Variants in CNTNAP2 observed in about 807,000 individuals in gnomAD.
CNTNAP2 encodes the protein contactin associated protein 2, also known as contactin-associated protein-like 2.
A neutral mutation model predicts 155.2 loss-of-function variants in CNTNAP2; 98 were observed. That is an observed-to-expected ratio of 0.63 (90% confidence interval 0.54 to 0.75). The LOEUF is 0.75. Ranked by LOEUF, CNTNAP2 falls within the 30% of genes least tolerant of loss-of-function variation. The pLI, the probability that CNTNAP2 is intolerant of heterozygous loss-of-function variation, is 0.00. For missense variants in CNTNAP2, 1,727 were observed against 1,688.1 expected (o/e 1.02, Z -0.40); for synonymous variants, 651 against 631.2 (o/e 1.03, Z -0.47).
In CNTNAP2 at chr7:147,060,215, C is replaced by T. The variant is rs545653569; in HGVS notation, c.550+16161C>T. ...AAAATGTATCTGTCCTTGAGGGGAACACAGTACATCTATAGTACAATTTTT... is the reference window on the plus strand; with the variant it reads ...AAAATGTATCTGTCCTTGAGGGGAATACAGTACATCTATAGTACAATTTTT... On this transcript the variant is annotated intron_variant, in intron 4 of 23. Transcript: ENST00000361727. Among the ~76,000 whole-genome samples, 19 of 151,876 alleles carry T rather than the reference C, an allele frequency of 1.3e-4. No homozygotes were observed. The South Asian group carries it at 4.0e-3, about 32-fold the overall frequency.
At chr7:147,048,827 A>T (rs558040293) in intron 4 of CNTNAP2, among the ~76,000 whole-genome samples, 4 of 152,332 alleles carry the variant, frequency 2.6e-5, no homozygotes, top group African/African-American at 9.6e-5. Flanking sequence ...AACATAAAGG[A>T]CCTATAAAAG....
chr7:148,302,572 G>T (rs1275223002), intron 21 of CNTNAP2, among the ~76,000 whole-genome samples: 1 of 152,118 alleles, frequency 6.6e-6, no homozygotes, highest in South Asian at 2.1e-4. Context: ...GTCAAGGGGG[G>T]ACCTGGTGGG....
intron 11 of CNTNAP2, among the ~76,000 whole-genome samples, chr7:147,552,661 C>T (rs1799874840): frequency 6.6e-6 from 1 of 151,872 alleles, no homozygotes; most frequent in Non-Finnish European, 1.5e-5. Flanking sequence ...CTTAGTGAAT[C>T]ACATCCCTCA....
chr7:147,514,096 T>C (rs2116694571), intron 11 of CNTNAP2, among the ~76,000 whole-genome samples: 1 of 152,286 alleles, frequency 6.6e-6, no homozygotes, highest in East Asian at 1.9e-4. Flanking sequence ...TATTAAAAGT[T>C]ATCCTTGTGT....
intron 1 of CNTNAP2, among the ~76,000 whole-genome samples, chr7:146,282,399 A>G (rs1170340604): frequency 6.6e-6 from 1 of 152,210 alleles, no homozygotes; most frequent in Non-Finnish European, 1.5e-5. Context: ...TCCTCCTGGT[A>G]TGAAATGATT....
chr7:147,256,305 T>C (rs1422188440), intron 8 of CNTNAP2, among the ~76,000 whole-genome samples: 1 of 152,200 alleles, frequency 6.6e-6, no homozygotes, highest in Admixed American at 6.5e-5. Context: ...AGATGGACAC[T>C]GTCTTTAGAT....
At chr7:148,079,150 A>G (rs1182135785) in intron 15 of CNTNAP2, among the ~76,000 whole-genome samples, 3 of 152,236 alleles carry the variant, frequency 2.0e-5, no homozygotes, top group Non-Finnish European at 2.9e-5. Flanking sequence ...TGAGCCAAAT[A>G]TGAGTGACCA....
intron 21 of CNTNAP2, among the ~76,000 whole-genome samples, chr7:148,351,054 G>T (rs1038551632): frequency 1.3e-5 from 2 of 152,224 alleles, no homozygotes; most frequent in Admixed American, 1.3e-4. Flanking sequence ...CCTTCAGGGG[G>T]CTTCTTATTC....
intron 1 of CNTNAP2, among the ~76,000 whole-genome samples, chr7:146,683,692 A>G (rs531412910): frequency 4.8e-4 from 73 of 152,316 alleles, no homozygotes; most frequent in African/African-American, 1.6e-3. Context: ...GTTTAGTCAC[A>G]GGATTTTTCA....
At chr7:148,349,444 C>T (rs188258291) in intron 21 of CNTNAP2, among the ~76,000 whole-genome samples, 114 of 139,348 alleles carry the variant, frequency 8.2e-4, no homozygotes, top group African/African-American at 2.9e-3. Flanking sequence ...CTCTGTCGCC[C>T]GGGCTGGAGT....
intron 1 of CNTNAP2, among the ~76,000 whole-genome samples, chr7:146,416,210 T>A (rs1795936232): frequency 6.6e-6 from 1 of 151,344 alleles, no homozygotes; most frequent in African/African-American, 2.4e-5. Context: ...TCAAAATTTG[T>A]TAATGTTATT....
chr7:147,589,967 A>T (rs1339631795), intron 12 of CNTNAP2, among the ~76,000 whole-genome samples: 1 of 152,146 alleles, frequency 6.6e-6, no homozygotes, highest in Admixed American at 6.6e-5. Context: ...CCATACAGTC[A>T]TTATTGTTGG....
At chr7:146,530,856 A>T (rs922046588) in intron 1 of CNTNAP2, among the ~76,000 whole-genome samples, 5 of 152,224 alleles carry the variant, frequency 3.3e-5, no homozygotes, top group Admixed American at 6.5e-5. Flanking sequence ...CGTTCCATCC[A>T]GCAATTCCAT....
At chr7:148,365,732 GTATGTGTATA>G (rs1798729411) in intron 21 of CNTNAP2, among the ~76,000 whole-genome samples, 1 of 15,194 alleles carries the variant, frequency 6.6e-5, no homozygotes, top group East Asian at 2.5e-3. Context: ...GTGTATATAT[GTATGTGTATA>G]CATGTATACA....
Position 147,108,280 on chromosome 7 carries a change from A to T in CNTNAP2, c.684A>T (p.Gly228=), listed in dbSNP as rs865896788. ...TSESEGVILH[G]EGQQGDYITL... ...AAAGTGAAGGAGTAATCCTGCACGGAGAAGGACAGCAAGGAGATTACATTA... is the reference window on the plus strand; with the variant it reads ...AAAGTGAAGGAGTAATCCTGCACGGTGAAGGACAGCAAGGAGATTACATTA... The change falls in exon 5 of 24, where the codon GGA becomes GGT. Residue 228 remains glycine, a synonymous_variant. Coordinates refer to ENST00000361727, the MANE Select transcript of CNTNAP2 (RefSeq NM_014141.6). 1 of 1,613,842 alleles carries T rather than the reference A, an allele frequency of 6.2e-7. No homozygotes were observed. The highest frequency in any genetic ancestry group is 8.5e-7 in the Non-Finnish European group (1 of 1,179,832).
chr7:146,934,292 G>C (rs922826563), intron 3 of CNTNAP2, among the ~76,000 whole-genome samples: 2 of 151,968 alleles, frequency 1.3e-5, no homozygotes, highest in African/African-American at 4.8e-5. Context: ...TCCTTTGTAG[G>C]GACATGGATG....
At chr7:146,183,527 G>A (rs1322875406) in intron 1 of CNTNAP2, among the ~76,000 whole-genome samples, 1 of 151,756 alleles carries the variant, frequency 6.6e-6, no homozygotes, top group Non-Finnish European at 1.5e-5. Context: ...TGACTAAAGG[G>A]CTCAGAAACA....
chr7:146,961,168 A>G (rs1677644080), intron 3 of CNTNAP2, among the ~76,000 whole-genome samples: 1 of 152,168 alleles, frequency 6.6e-6, no homozygotes, highest in Non-Finnish European at 1.5e-5. Context: ...TGACCCGTGA[A>G]CCCATTTACA....
intron 1 of CNTNAP2, among the ~76,000 whole-genome samples, chr7:146,551,733 A>G (rs886813091): frequency 6.6e-5 from 10 of 152,142 alleles, no homozygotes; most frequent in Non-Finnish European, 1.5e-4. Flanking sequence ...GCAGGACCAC[A>G]TTTGTACAGA....
Sources: allele counts gnomAD v4.1 joint callset (sites outside exome capture counted in the v4.1 genomes callset), GRCh38; gene constraint gnomAD v4.1.1; transcripts MANE v1.5; gene names NCBI Gene and HGNC (gene_info 2026-07-23, HGNC 2026-07-21).